SLC24A2: variants seen among roughly 807,000 people sequenced by gnomAD.
The protein encoded by SLC24A2 is sodium/potassium/calcium exchanger 2.
SLC24A2 carries 36 observed loss-of-function variants against 62.0 expected under a neutral mutation model. The ratio of observed to expected loss-of-function variants is 0.58; its 90% CI spans 0.44 to 0.77. The LOEUF (loss-of-function observed/expected upper bound fraction) is 0.77, where lower values mean the gene tolerates loss of function less well. Ranked by LOEUF, SLC24A2 falls within the 30% of genes least tolerant of loss-of-function variation. The pLI is 0.00. For synonymous variants in SLC24A2, 358 were observed against 294.0 expected, an observed-to-expected ratio of 1.22 and a Z score of -2.23; for missense variants, 846 against 817.9, an observed-to-expected ratio of 1.03 and a Z score of -0.42.
the SLC24A2 span, among the ~76,000 whole-genome samples, chr9:20,128,954 G>A: frequency 1.3e-5 from 2 of 151,988 alleles, no homozygotes; most frequent in Non-Finnish European, 2.9e-5. Context: ...GACTTCAAAA[G>A]TAAAAACTTC....
At chr9:19,921,768 C>G in the SLC24A2 span, among the ~76,000 whole-genome samples, 1 of 152,052 alleles carries the variant, frequency 6.6e-6, no homozygotes, top group Non-Finnish European at 1.5e-5. Flanking sequence ...GGGAACTCTA[C>G]GGTACAAGGC....
chr9:20,204,940 T>A, the SLC24A2 span, among the ~76,000 whole-genome samples: 51 of 151,594 alleles, frequency 3.4e-4, no homozygotes, highest in African/African-American at 1.2e-3. Flanking sequence ...ACAGACGGGG[T>A]TTCACCATGT....
the SLC24A2 span, among the ~76,000 whole-genome samples, chr9:20,007,879 C>CTCTTTTTTTTTTT: frequency 2.5e-5 from 1 of 39,510 alleles, no homozygotes; most frequent in Non-Finnish European, 4.6e-5. Context: ...TTACTCCTCT[C>CTCTTTTTTTTTTT]TTTTTTTTTT....
chr9:20,111,020 A>T, the SLC24A2 span, among the ~76,000 whole-genome samples: 1 of 152,322 alleles, frequency 6.6e-6, no homozygotes, highest in South Asian at 2.1e-4. Context: ...TATGGTAGAT[A>T]TGTTTAAAGC....
At chr9:20,003,876 T>C in the SLC24A2 span, among the ~76,000 whole-genome samples, 251 of 150,586 alleles carry the variant, frequency 1.7e-3, no homozygotes, top group African/African-American at 6.0e-3. Context: ...ACTGCCTGAA[T>C]GTGGGATGTT....
the SLC24A2 span, among the ~76,000 whole-genome samples, chr9:20,218,540 G>A: frequency 1.3e-5 from 2 of 152,138 alleles, no homozygotes; most frequent in Non-Finnish European, 2.9e-5. Flanking sequence ...GTTCTTAAGT[G>A]AGGGGTTTCT....
the SLC24A2 span, among the ~76,000 whole-genome samples, chr9:20,187,289 T>TA: frequency 1.3e-5 from 2 of 152,246 alleles, no homozygotes; most frequent in Admixed American, 6.5e-5. Context: ...AGTTTTTTTT[T>TA]ATCATTCACT....
At chr9:19,565,510 G>C (rs563963294) in intron 7 of SLC24A2, among the ~76,000 whole-genome samples, 7 of 150,828 alleles carry the variant, frequency 4.6e-5, no homozygotes, top group Non-Finnish European at 8.9e-5. Flanking sequence ...TGGGTAGGAA[G>C]AATCAATATT....
At chr9:19,582,916 C>A (rs983244695) in intron 5 of SLC24A2, among the ~76,000 whole-genome samples, 1 of 152,062 alleles carries the variant, frequency 6.6e-6, no homozygotes, top group African/African-American at 2.4e-5. Context: ...CTCCCCACTC[C>A]GCACACCCAC....
chr9:19,922,101 G>A, the SLC24A2 span, among the ~76,000 whole-genome samples: 2 of 152,154 alleles, frequency 1.3e-5, no homozygotes, highest in African/African-American at 2.4e-5. Flanking sequence ...AAAGTTGGAT[G>A]CATCAGCCTG....
the SLC24A2 span, among the ~76,000 whole-genome samples, chr9:20,168,270 T>A: frequency 5.2e-4 from 79 of 151,996 alleles, no homozygotes; most frequent in Non-Finnish European, 1.3e-4. Flanking sequence ...ATCTCTGTAT[T>A]ATTCTTTCAG....
the SLC24A2 span, among the ~76,000 whole-genome samples, chr9:19,988,576 C>T: frequency 2.6e-5 from 4 of 152,068 alleles, no homozygotes; most frequent in Admixed American, 2.0e-4. Context: ...CTATGCTTGG[C>T]TAAGAATTAG....
At chr9:19,781,308 G>A (rs1823013790) in intron 2 of SLC24A2, among the ~76,000 whole-genome samples, 1 of 152,106 alleles carries the variant, frequency 6.6e-6, no homozygotes, top group Non-Finnish European at 1.5e-5. Context: ...TAACAAAAAA[G>A]AGGGGAAGGG....
intron 2 of SLC24A2, among the ~76,000 whole-genome samples, chr9:19,760,610 T>A (rs1822291025): frequency 6.6e-6 from 1 of 151,628 alleles, no homozygotes; most frequent in Admixed American, 6.6e-5. Context: ...AATGAGAACA[T>A]GTGGTGTTTG....
chr9:19,553,721 C>A (rs1324800180), intron 7 of SLC24A2, among the ~76,000 whole-genome samples: 3 of 152,198 alleles, frequency 2.0e-5, no homozygotes, highest in African/African-American at 7.2e-5. Context: ...TGCAAGCAGT[C>A]ACTAAGCACC....
chr9:20,205,550 C>G, the SLC24A2 span, among the ~76,000 whole-genome samples: 1 of 146,674 alleles, frequency 6.8e-6, no homozygotes, highest in Non-Finnish European at 1.5e-5. Context: ...ACTCAGGAGG[C>G]TGAGGCAGGA....
intron 4 of SLC24A2, among the ~76,000 whole-genome samples, chr9:19,615,993 T>TGCAC (rs1554687528): frequency 1.0e-5 from 1 of 96,002 alleles, no homozygotes; most frequent in African/African-American, 4.1e-5. Flanking sequence ...TTCACAGGCG[T>TGCAC]GCACACACAC....
the SLC24A2 span, among the ~76,000 whole-genome samples, chr9:19,860,318 C>T: frequency 6.6e-6 from 1 of 152,154 alleles, no homozygotes; most frequent in Admixed American, 6.5e-5. Flanking sequence ...CCCTATCTCC[C>T]AGACATTTCT....
At chr9:20,264,088 C>T in the SLC24A2 span, among the ~76,000 whole-genome samples, 1 of 152,084 alleles carries the variant, frequency 6.6e-6, no homozygotes, top group African/African-American at 2.4e-5. Flanking sequence ...GCCCTGAGGG[C>T]CCCCATCCCA....
Sources: gnomAD v4.1 joint callset for allele counts (sites outside exome capture counted in the v4.1 genomes callset) on GRCh38, gnomAD v4.1.1 for gene constraint, MANE v1.5 for transcripts, NCBI Gene and HGNC (gene_info 2026-07-23, HGNC 2026-07-21) for gene names.